IL1RAPL2: variants seen among roughly 807,000 people sequenced by gnomAD.
IL1RAPL2 encodes X-linked interleukin-1 receptor accessory protein-like 2.
In IL1RAPL2, 3 loss-of-function variants were observed where a neutral mutation model predicts 44.1. That is an observed-to-expected ratio of 0.07 (90% CI 0.03 to 0.18). The LOEUF (loss-of-function observed/expected upper bound fraction) is 0.18. Ranked by LOEUF, IL1RAPL2 falls within the 10% of genes least tolerant of loss-of-function variation. IL1RAPL2 has a pLI of 1.00. For missense variants in IL1RAPL2, 391 were observed against 496.4 expected (o/e 0.79, Z 2.02); for synonymous variants, 181 against 178.8 (o/e 1.01, Z -0.10).
At chrX:104,902,972 T>C (rs780046015) in intron 2 of IL1RAPL2, among the ~76,000 whole-genome samples, 60 of 111,862 alleles carry the variant, frequency 5.4e-4, no homozygotes, top group Admixed American at 3.9e-3. Context: ...GTATCTTCAA[T>C]GCATTTTAAA....
chrX:105,726,882 T>C (rs1282378431), intron 7 of IL1RAPL2, among the ~76,000 whole-genome samples: 4 of 110,925 alleles, frequency 3.6e-5, no homozygotes, highest in Non-Finnish European at 7.6e-5. Context: ...GATTAATCCA[T>C]AGTTCCTCTA....
chrX:105,292,360 A>T (rs1267987068), intron 5 of IL1RAPL2, among the ~76,000 whole-genome samples: 1 of 112,434 alleles, frequency 8.9e-6, no homozygotes. Context: ...CAGATTCCAC[A>T]CTTCAGCTAA....
chrX:105,351,858 ATTTG>A (rs1169337370), intron 5 of IL1RAPL2, among the ~76,000 whole-genome samples: 4 of 111,755 alleles, frequency 3.6e-5, no homozygotes, highest in African/African-American at 1.3e-4. Flanking sequence ...ATAATAATTT[ATTTG>A]TTTATTGTTT....
rs765845137 is a variant in IL1RAPL2 at position 105,715,976 on chromosome X, G to A, written c.773-1391G>A. Among the ~76,000 whole-genome samples the A allele has an allele frequency of 2.7e-5, 3 of 111,678 alleles. No individual in the cohort carries two copies. The East Asian group carries it at 8.5e-4, about 32-fold the overall frequency. On this transcript the variant is annotated intron_variant, in intron 6 of 10. Transcript: ENST00000372582. The stretch of plus-strand genomic sequence containing the variant: ...ACAGAAAAACTGGTTCCAAACCAGT[G>A]AAACTTGTAGGGCCTTGGTAGAAGC...
At chrX:104,740,277 A>G (rs1474517242) in intron 2 of IL1RAPL2, among the ~76,000 whole-genome samples, 1 of 111,057 alleles carries the variant, frequency 9.0e-6, no homozygotes, top group East Asian at 2.9e-4. Context: ...GTCATTGGGT[A>G]GACAATGTAT....
intron 2 of IL1RAPL2, among the ~76,000 whole-genome samples, chrX:104,673,760 C>G (rs1233402433): frequency 9.3e-6 from 1 of 107,587 alleles, no homozygotes; most frequent in Non-Finnish European, 1.9e-5. Context: ...TGTTTGTATC[C>G]TCTTTTATTT....
intron 2 of IL1RAPL2, among the ~76,000 whole-genome samples, chrX:104,915,215 T>C (rs1924379040): frequency 9.0e-6 from 1 of 111,146 alleles, no homozygotes; most frequent in Non-Finnish European, 1.9e-5. Flanking sequence ...CTCCACATCC[T>C]CTCCAGCACC....
In IL1RAPL2 at chrX:105,625,265, ATC is replaced by A. The variant is rs915167872; in HGVS notation, c.773-92098_773-92097del. Among the ~76,000 whole-genome samples, 9 of 112,215 alleles carry A rather than the reference ATC, an allele frequency of 8.0e-5. No individual in the cohort carries two copies. The Admixed American group carries it at 8.5e-4, about 11-fold the overall frequency. ...CATACAGGTAGCAAAATGCTAATTA[ATC>A]TCTTTGTGCCACGTTCTGTGCTAGG... is the stretch of plus-strand genomic sequence containing the variant. On this transcript the variant is annotated intron_variant, in intron 6 of 10. Coordinates refer to ENST00000372582, the MANE Select transcript of IL1RAPL2 (RefSeq NM_017416.2).
intron 2 of IL1RAPL2, among the ~76,000 whole-genome samples, chrX:105,151,978 TGGACTTTGG>T (rs2147589726): frequency 9.0e-6 from 1 of 110,652 alleles, no homozygotes; most frequent in African/African-American, 3.3e-5. Flanking sequence ...AATGATACAA[TGGACTTTGG>T]GGACTTGGGG....
intron 2 of IL1RAPL2, among the ~76,000 whole-genome samples, chrX:104,983,813 A>G (rs1201984203): frequency 3.7e-5 from 4 of 107,845 alleles, no homozygotes; most frequent in Non-Finnish European, 7.6e-5. Context: ...TACTCTGGCT[A>G]TACAGCCATT....
intron 1 of IL1RAPL2, among the ~76,000 whole-genome samples, chrX:104,635,142 CT>C (rs1452348777): frequency 1.8e-5 from 2 of 111,431 alleles, no homozygotes; most frequent in Admixed American, 9.5e-5. Flanking sequence ...GTTGAAAATT[CT>C]TTTCTTTAAG....
chrX:105,025,604 A>G (rs1222139900), intron 2 of IL1RAPL2, among the ~76,000 whole-genome samples: 1 of 111,397 alleles, frequency 9.0e-6, no homozygotes, highest in African/African-American at 3.3e-5. Flanking sequence ...CTTAAAGCAC[A>G]AAGAACCTCA....
chrX:105,154,849 A>G (rs924101468), intron 2 of IL1RAPL2, among the ~76,000 whole-genome samples: 3 of 111,393 alleles, frequency 2.7e-5, no homozygotes, highest in Admixed American at 9.6e-5. Flanking sequence ...CTCTCTAACC[A>G]TGTACTATAT....
intron 2 of IL1RAPL2, among the ~76,000 whole-genome samples, chrX:104,956,495 T>TGTGTGTG (rs1556020850): frequency 1.8e-5 from 2 of 108,586 alleles, no homozygotes; most frequent in African/African-American, 3.4e-5. Flanking sequence ...TGTGTGTGTG[T>TGTGTGTG]TATGCCGGGC....
intron 2 of IL1RAPL2, among the ~76,000 whole-genome samples, chrX:104,983,322 T>C (rs962595893): frequency 9.7e-6 from 1 of 102,793 alleles, no homozygotes; most frequent in Non-Finnish European, 2.0e-5. Context: ...TAGAATTGTG[T>C]CCGGAATAGA....
chrX:105,265,188 G>T (rs890161180), intron 4 of IL1RAPL2, among the ~76,000 whole-genome samples: 1 of 111,881 alleles, frequency 8.9e-6, no homozygotes, highest in Non-Finnish European at 1.9e-5. Flanking sequence ...GAGTGTGTGG[G>T]CTTATTTGCC....
intron 6 of IL1RAPL2, among the ~76,000 whole-genome samples, chrX:105,647,878 A>C (rs1232499679): frequency 9.0e-6 from 1 of 111,420 alleles, no homozygotes; most frequent in African/African-American, 3.3e-5. Context: ...TTGCCATGAC[A>C]TCTGCTTGTT....
chrX:104,915,228 T>C (rs1251839722), intron 2 of IL1RAPL2, among the ~76,000 whole-genome samples: 21 of 111,101 alleles, frequency 1.9e-4, no homozygotes, highest in Non-Finnish European at 2.8e-4. Context: ...CCAGCACCTG[T>C]TGTTTCCTGA....
intron 2 of IL1RAPL2, among the ~76,000 whole-genome samples, chrX:104,917,500 G>T (rs373194440): frequency 7.2e-5 from 8 of 111,585 alleles, no homozygotes; most frequent in African/African-American, 2.6e-4. Context: ...AAACCTTGGG[G>T]AAGCTCCCAA....
Sources: gnomAD v4.1 joint callset for allele counts (sites outside exome capture counted in the v4.1 genomes callset) on GRCh38, gnomAD v4.1.1 for gene constraint, MANE v1.5 for transcripts, NCBI Gene and HGNC (gene_info 2026-07-23, HGNC 2026-07-21) for gene names.